The following PTPRT variants were observed in gnomAD, a reference collection of about 807,000 sequenced individuals.
The protein encoded by PTPRT is protein tyrosine phosphatase receptor type T, also known as receptor-type tyrosine-protein phosphatase T.
PTPRT carries 56 observed loss-of-function variants against 176.8 expected under a neutral mutation model. The ratio of observed to expected loss-of-function variants is 0.32; its 90% CI spans 0.26 to 0.40. PTPRT has a LOEUF of 0.40. Ranked by LOEUF, PTPRT falls within the 10% of genes least tolerant of loss-of-function variation. The pLI is 1.00. For synonymous variants in PTPRT, 783 were observed against 739.0 expected, an observed-to-expected ratio of 1.06 and a Z score of -0.96; for missense variants, 1,540 against 1,908.2, an observed-to-expected ratio of 0.81 and a Z score of 3.60.
chr20:43,001,993 G>A (rs1015064906), intron 1 of PTPRT, among the ~76,000 whole-genome samples: 1 of 152,192 alleles, frequency 6.6e-6, no homozygotes, highest in African/African-American at 2.4e-5. Flanking sequence ...ATCCCCAGGT[G>A]TTGAGGGAGA....
At chr20:42,655,266 GA>G (rs2075104475) in intron 7 of PTPRT, among the ~76,000 whole-genome samples, 2 of 152,228 alleles carry the variant, frequency 1.3e-5, no homozygotes, top group African/African-American at 4.8e-5. Context: ...AAGGCAGGTG[GA>G]TCACTTGAGT....
chr20:42,108,429 T>C (rs980543416), intron 23 of PTPRT, among the ~76,000 whole-genome samples: 1 of 151,788 alleles, frequency 6.6e-6, no homozygotes, highest in Admixed American at 6.6e-5. Context: ...CTCACTCATC[T>C]ATAAAATGAT....
intron 1 of PTPRT, among the ~76,000 whole-genome samples, chr20:43,058,175 G>A (rs1987316884): frequency 6.6e-6 from 1 of 152,198 alleles, no homozygotes; most frequent in Middle Eastern, 3.4e-3. Context: ...TCTCAACTTA[G>A]ATCCCTGGTA....
intron 25 of PTPRT, among the ~76,000 whole-genome samples, 164 bp downstream of exon 25, chr20:42,104,405 G>A (rs1341254487): frequency 6.6e-6 from 1 of 152,192 alleles, no homozygotes; most frequent in Non-Finnish European, 1.5e-5. Flanking sequence ...CAGGAAGTGA[G>A]CCCTCCCCAG....
chr20:42,864,704 C>A (rs182469595), intron 2 of PTPRT, among the ~76,000 whole-genome samples: 1 of 152,208 alleles, frequency 6.6e-6, no homozygotes, highest in Non-Finnish European at 1.5e-5. Flanking sequence ...CCTCTGGAAT[C>A]TCTTTTCTGA....
intron 1 of PTPRT, among the ~76,000 whole-genome samples, chr20:43,152,502 T>C (rs1354405180): frequency 1.3e-5 from 2 of 152,192 alleles, no homozygotes; most frequent in African/African-American, 4.8e-5. Flanking sequence ...CCTGCTAGAC[T>C]ACGTGAGGTC....
intron 17 of PTPRT, among the ~76,000 whole-genome samples, chr20:42,156,665 T>G (rs1989367539): frequency 6.6e-6 from 1 of 152,244 alleles, no homozygotes; most frequent in East Asian, 1.9e-4. Context: ...TAGAGGCAGC[T>G]CCATCCTACC....
chr20:42,193,433 C>A (rs1260702399), intron 16 of PTPRT, among the ~76,000 whole-genome samples: 1 of 152,250 alleles, frequency 6.6e-6, no homozygotes. Flanking sequence ...TGTCAGTGAC[C>A]TTCCTCTGTG....
intron 7 of PTPRT, among the ~76,000 whole-genome samples, chr20:42,514,233 G>C (rs1384989057): frequency 6.6e-6 from 1 of 152,150 alleles, no homozygotes; most frequent in Non-Finnish European, 1.5e-5. Flanking sequence ...TTGACCAATT[G>C]ATCCTGCATG....
intron 9 of PTPRT, among the ~76,000 whole-genome samples, chr20:42,372,279 CTTT>C (rs10588893): frequency 0.011 from 938 of 83,672 alleles, 12 homozygotes; most frequent in African/African-American, 0.039. Context: ...TTTCTTAACT[CTTT>C]TTTTTTTTTT....
intron 17 of PTPRT, among the ~76,000 whole-genome samples, chr20:42,153,250 CAATA>C (rs1388709769): frequency 6.6e-6 from 1 of 152,104 alleles, no homozygotes; most frequent in Non-Finnish European, 1.5e-5. Flanking sequence ...GTTAGGTGCA[CAATA>C]AATACTCAGT....
chr20:42,106,356 A>G (rs1472017788), intron 24 of PTPRT, among the ~76,000 whole-genome samples: 2 of 152,198 alleles, frequency 1.3e-5, no homozygotes, highest in East Asian at 3.9e-4. Flanking sequence ...CAGCTTAAGT[A>G]CTCAATTACT....
intron 1 of PTPRT, among the ~76,000 whole-genome samples, chr20:43,030,126 C>A (rs6030611): frequency 6.6e-6 from 1 of 152,100 alleles, no homozygotes; most frequent in Non-Finnish European, 1.5e-5. Flanking sequence ...TAATTAAGCA[C>A]CTACTAAAAA....
chr20:42,276,494 G>A (rs866259656), intron 13 of PTPRT, among the ~76,000 whole-genome samples: 1 of 42,756 alleles, frequency 2.3e-5, no homozygotes, highest in Non-Finnish European at 4.8e-5. Context: ...GAGAAAGAAG[G>A]AAATATATAT....
At chr20:42,246,465 G>A (rs1351237984) in intron 14 of PTPRT, among the ~76,000 whole-genome samples, 5 of 152,212 alleles carry the variant, frequency 3.3e-5, no homozygotes, top group Admixed American at 6.5e-5. Context: ...TGGTGATCAT[G>A]TGATGCCTGT....
chr20:42,429,343 C>T (rs930507373), intron 9 of PTPRT, among the ~76,000 whole-genome samples: 5 of 152,034 alleles, frequency 3.3e-5, no homozygotes, highest in African/African-American at 9.7e-5. Context: ...AGAATCGGGG[C>T]AGAGGTATCG....
intron 11 of PTPRT, among the ~76,000 whole-genome samples, chr20:42,333,484 C>T (rs1182786817): frequency 6.6e-6 from 1 of 151,816 alleles, no homozygotes; most frequent in African/African-American, 2.4e-5. Flanking sequence ...GGCACAGGTG[C>T]CACCATGCCC....
At chr20:42,942,534 T>C (rs1980621310) in intron 1 of PTPRT, among the ~76,000 whole-genome samples, 2 of 152,192 alleles carry the variant, frequency 1.3e-5, no homozygotes, top group Non-Finnish European at 2.9e-5. Context: ...CTAAAGTCTG[T>C]CTCCTCACAC....
intron 2 of PTPRT, among the ~76,000 whole-genome samples, chr20:42,857,648 C>T (rs2078589232): frequency 6.6e-6 from 1 of 152,206 alleles, no homozygotes; most frequent in African/African-American, 2.4e-5. Context: ...ATCTCCCTGT[C>T]TGTGTCTCCT....
Sources: allele counts gnomAD v4.1 joint callset (sites outside exome capture counted in the v4.1 genomes callset), GRCh38; gene constraint gnomAD v4.1.1; transcripts MANE v1.5; gene names NCBI Gene and HGNC (gene_info 2026-07-23, HGNC 2026-07-21).